Variants in FCHO2 observed in about 807,000 individuals in gnomAD.
FCHO2 encodes the protein FCH and mu domain containing endocytic adaptor 2.
Under a neutral mutation model 114.1 loss-of-function variants are expected in FCHO2, and 43 were observed. The ratio of observed to expected loss-of-function variants is 0.38; its 90% CI spans 0.30 to 0.49. FCHO2 has a LOEUF of 0.49. Among genes scored for constraint, FCHO2 ranks in the 20% least tolerant of loss-of-function variants. The probability of loss-of-function intolerance (pLI) is 0.97; values close to 1 mark genes in which losing one functional copy is unlikely to be tolerated. For missense variants in FCHO2, 807 were observed against 950.4 expected (o/e 0.85, Z 1.98); for synonymous variants, 293 against 315.2 (o/e 0.93, Z 0.75).
intron 2 of FCHO2, among the ~76,000 whole-genome samples, chr5:72,972,630 A>G (rs1395425520): frequency 6.6e-6 from 1 of 152,182 alleles, no homozygotes; most frequent in Non-Finnish European, 1.5e-5. Flanking sequence ...CTAGATATAC[A>G]ATCATGCCAT....
At chr5:73,034,988 A>ATCCATGTTTAAGCCTTGT (rs1341927212) in intron 9 of FCHO2, among the ~76,000 whole-genome samples, 3 of 152,190 alleles carry the variant, frequency 2.0e-5, no homozygotes, top group Non-Finnish European at 4.4e-5. Context: ...CTTCATTGAC[A>ATCCATGTTTAAGCCTTGT]TCCATGTTTA....
chr5:72,979,146 C>A (rs996229791), intron 2 of FCHO2, among the ~76,000 whole-genome samples: 21 of 152,034 alleles, frequency 1.4e-4, no homozygotes, highest in African/African-American at 4.8e-4. Context: ...AGGGAGGAGT[C>A]CCTCTTTTTC....
At chr5:73,009,561 G>T (rs1192297445) in intron 6 of FCHO2, among the ~76,000 whole-genome samples, 2 of 152,096 alleles carry the variant, frequency 1.3e-5, no homozygotes, top group African/African-American at 2.4e-5. Flanking sequence ...TTTTGAGACA[G>T]GGTCTCACTC....
chr5:72,997,681 G>A (rs1754198232), intron 5 of FCHO2: 6 of 1,554,442 alleles, frequency 3.9e-6, no homozygotes, highest in South Asian at 1.1e-5. Flanking sequence ...GGGGTTGGGG[G>A]AAAGGGAGGG....
chr5:73,009,768 C>G (rs1324843827), intron 6 of FCHO2, among the ~76,000 whole-genome samples: 3 of 152,176 alleles, frequency 2.0e-5, no homozygotes, highest in Non-Finnish European at 4.4e-5. Context: ...AACTCTTGGG[C>G]TCAAGTGATC....
intron 6 of FCHO2, among the ~76,000 whole-genome samples, chr5:73,014,155 C>G (rs1755171485): frequency 6.6e-6 from 1 of 152,144 alleles, no homozygotes; most frequent in Admixed American, 6.6e-5. Context: ...AAAAGGTTCT[C>G]CAGGTGATCT....
intron 19 of FCHO2, among the ~76,000 whole-genome samples, chr5:73,072,561 A>G (rs763696000): frequency 1.3e-5 from 2 of 152,138 alleles, no homozygotes; most frequent in African/African-American, 2.4e-5. Context: ...ACAATAGAAT[A>G]TTATTCAGCC....
intron 17 of FCHO2, among the ~76,000 whole-genome samples, chr5:73,061,251 C>T (rs904288998): frequency 6.6e-6 from 1 of 151,976 alleles, no homozygotes; most frequent in African/African-American, 2.4e-5. Flanking sequence ...AGGAATAACT[C>T]TGACTTTGTA....
intron 11 of FCHO2, among the ~76,000 whole-genome samples, chr5:73,048,018 A>G (rs565674207): frequency 2.0e-5 from 3 of 152,130 alleles, no homozygotes; most frequent in South Asian, 2.1e-4. Flanking sequence ...AATTTTTTGT[A>G]GAGATGAGAT....
At chr5:73,022,724 C>T (rs917446825) in intron 8 of FCHO2, among the ~76,000 whole-genome samples, 1 of 152,198 alleles carries the variant, frequency 6.6e-6, no homozygotes, top group Non-Finnish European at 1.5e-5. Flanking sequence ...TATAAACAAG[C>T]TTAAGCAAAA....
intron 3 of FCHO2, among the ~76,000 whole-genome samples, chr5:72,990,012 T>C (rs942780298): frequency 2.0e-5 from 3 of 152,016 alleles, no homozygotes; most frequent in Non-Finnish European, 4.4e-5. Context: ...TGAGATGTGC[T>C]CATTGCCATA....
chr5:73,033,390 G>T (rs983886836), intron 8 of FCHO2, among the ~76,000 whole-genome samples: 6 of 152,034 alleles, frequency 3.9e-5, no homozygotes, highest in African/African-American at 9.7e-5. Context: ...CTTAGGTTTA[G>T]GGGGAGGGAG....
chr5:73,039,210 C>T (rs989844755), intron 10 of FCHO2, among the ~76,000 whole-genome samples: 2 of 152,194 alleles, frequency 1.3e-5, no homozygotes, highest in African/African-American at 4.8e-5. Flanking sequence ...CTTGGCATGC[C>T]TCTTCATAGC....
chr5:72,970,631 T>C (rs916486191), intron 2 of FCHO2, among the ~76,000 whole-genome samples: 10 of 152,002 alleles, frequency 6.6e-5, no homozygotes, highest in Non-Finnish European at 1.5e-4. Flanking sequence ...TATCAGTCTC[T>C]GGACCATCAA....
At chr5:73,036,915 A>G (rs975543390) in intron 9 of FCHO2, among the ~76,000 whole-genome samples, 1 of 152,184 alleles carries the variant, frequency 6.6e-6, no homozygotes, top group African/African-American at 2.4e-5. Context: ...AATTTTATCT[A>G]TAAAGTAAAT....
chr5:73,011,586 G>T (rs1352728364), intron 6 of FCHO2, among the ~76,000 whole-genome samples: 5 of 151,964 alleles, frequency 3.3e-5, no homozygotes, highest in Admixed American at 3.3e-4. Flanking sequence ...TGTACTACTG[G>T]AAGGTCTTCA....
chr5:72,981,526 T>C (rs1023662532), intron 2 of FCHO2, among the ~76,000 whole-genome samples: 2 of 152,232 alleles, frequency 1.3e-5, no homozygotes, highest in South Asian at 2.1e-4. Flanking sequence ...CTGGATGATA[T>C]CCTGAAGAGT....
At chr5:72,994,258 A>C (rs1753961767) in intron 5 of FCHO2, among the ~76,000 whole-genome samples, 1 of 152,238 alleles carries the variant, frequency 6.6e-6, no homozygotes, top group South Asian at 2.1e-4. Context: ...TCTGACATCC[A>C]GCATCTATAA....
In FCHO2 at chr5:72,990,564, A is replaced by G; in HGVS notation, c.287A>G (p.Glu96Gly). 1 of 1,541,412 alleles carries G rather than the reference A, an allele frequency of 6.5e-7. No homozygotes were observed. The highest frequency in any genetic ancestry group is 1.4e-5 in the African/African-American group (1 of 72,458). ...CHLDLVRKLQ[E>G]LIKEVQKYGE... is the part of the protein sequence containing the mutation. ...TTGGATCTTGTTAGAAAATTACAAG[A>G]ATTAATAAAGGAAGTTCAGAAGTAT... Residue 96 changes from glutamate (E) to glycine (G), a missense_variant, in exon 4 of 26, where the codon GAA becomes GGA. Coordinates refer to ENST00000430046, the MANE Select transcript of FCHO2 (RefSeq NM_138782.3).
Sources: allele counts gnomAD v4.1 joint callset (sites outside exome capture counted in the v4.1 genomes callset), GRCh38; gene constraint gnomAD v4.1.1; transcripts MANE v1.5; gene names NCBI Gene and HGNC (gene_info 2026-07-23, HGNC 2026-07-21).